LRMDA: variants seen among roughly 807,000 people sequenced by gnomAD.
The protein encoded by LRMDA is leucine rich melanocyte differentiation associated, also known as leucine-rich melanocyte differentiation-associated protein.
LRMDA carries 18 observed loss-of-function variants against 29.8 expected under a neutral mutation model. The ratio of observed to expected loss-of-function variants is 0.60; its 90% CI spans 0.42 to 0.90. The LOEUF (loss-of-function observed/expected upper bound fraction) is 0.90, where lower values mean the gene tolerates loss of function less well. LRMDA is among the 40% of genes least tolerant of loss of function. LRMDA has a pLI of 0.00. For missense variants in LRMDA, 273 were observed against 273.9 expected (o/e 1.00, Z 0.02); for synonymous variants, 125 against 109.4 (o/e 1.14, Z -0.89).
At chr10:75,643,708 T>C (rs1385648794) in intron 2 of LRMDA, among the ~76,000 whole-genome samples, 1 of 152,234 alleles carries the variant, frequency 6.6e-6, no homozygotes, top group Non-Finnish European at 1.5e-5. Context: ...TCTTCCAACA[T>C]TAGAATGATG....
At chr10:75,437,570 G>C (rs1844275533) in intron 1 of LRMDA, among the ~76,000 whole-genome samples, 1 of 152,166 alleles carries the variant, frequency 6.6e-6, no homozygotes, top group African/African-American at 2.4e-5. Context: ...TGTAAAAATG[G>C]GTTCCAAAAA....
intron 5 of LRMDA, among the ~76,000 whole-genome samples, chr10:76,251,652 T>C (rs953067764): frequency 5.3e-5 from 8 of 152,194 alleles, no homozygotes; most frequent in Non-Finnish European, 1.2e-4. Context: ...CAGAGCCATT[T>C]CCCACATTTG....
chr10:75,770,495 C>T (rs997370944), intron 2 of LRMDA, among the ~76,000 whole-genome samples: 2 of 152,186 alleles, frequency 1.3e-5, no homozygotes, highest in African/African-American at 2.4e-5. Context: ...TAGCATTAAA[C>T]AGTCAGCCAA....
At position 75,893,150 on chromosome 10, in the gene LRMDA, T is replaced by C. The variant is rs527384177; in HGVS notation, c.132-142858T>C. The stretch of plus-strand genomic sequence containing the variant: ...TTTGGTAGCATGCACATGGGCTTCT[T>C]AGTGACGACCTGGTGATGCAAACAG... On this transcript the variant is annotated intron_variant, in intron 2 of 6. Transcript: ENST00000611255. 7.9e-5 allele frequency among the ~76,000 whole-genome samples: 12 copies of C among 152,268 alleles called. No homozygotes were observed. In the East Asian group the frequency reaches 1.9e-3, roughly 25 times the overall value.
At chr10:75,738,648 T>A (rs915988033) in intron 2 of LRMDA, among the ~76,000 whole-genome samples, 1 of 152,214 alleles carries the variant, frequency 6.6e-6, no homozygotes, top group Non-Finnish European at 1.5e-5. Context: ...AGTTTAGGTT[T>A]GGTCCTAATG....
chr10:76,430,368 G>A (rs550475522), intron 6 of LRMDA, among the ~76,000 whole-genome samples: 2 of 152,296 alleles, frequency 1.3e-5, no homozygotes, highest in South Asian at 2.1e-4. Context: ...AACAGTAAAA[G>A]CATCTTTTGT....
chr10:76,171,858 G>A (rs1439400813), intron 5 of LRMDA, among the ~76,000 whole-genome samples: 3 of 152,128 alleles, frequency 2.0e-5, no homozygotes, highest in South Asian at 2.1e-4. Flanking sequence ...GGTTAGTGTC[G>A]CTCTAACAGA....
intron 6 of LRMDA, among the ~76,000 whole-genome samples, chr10:76,385,601 T>C (rs1435144628): frequency 6.6e-6 from 1 of 152,172 alleles, no homozygotes; most frequent in African/African-American, 2.4e-5. Context: ...TAACATGCCA[T>C]CTTGCTGCTT....
At chr10:75,771,387 T>C (rs79546892) in intron 2 of LRMDA, among the ~76,000 whole-genome samples, 178 of 152,232 alleles carry the variant, frequency 1.2e-3, no homozygotes, top group African/African-American at 3.9e-3. Context: ...AGAAAAGTCA[T>C]TGCAAGAGAG....
intron 5 of LRMDA, among the ~76,000 whole-genome samples, chr10:76,071,028 G>A (rs114201108): frequency 3.9e-5 from 6 of 152,224 alleles, no homozygotes; most frequent in Admixed American, 6.5e-5. Flanking sequence ...GGACCAATGC[G>A]GGAAAGGATG....
chr10:76,545,716 A>T (rs894312514), intron 6 of LRMDA, among the ~76,000 whole-genome samples: 1 of 151,070 alleles, frequency 6.6e-6, no homozygotes, highest in Non-Finnish European at 1.5e-5. Context: ...GCTATTGGGG[A>T]TAAAATAAAA....
At chr10:76,061,721 G>C (rs971276046) in intron 5 of LRMDA, among the ~76,000 whole-genome samples, 1 of 152,118 alleles carries the variant, frequency 6.6e-6, no homozygotes, top group Admixed American at 6.5e-5. Context: ...ATGGAATTGG[G>C]ACCAGAACCC....
chr10:76,150,359 C>T (rs1322319117), intron 5 of LRMDA, among the ~76,000 whole-genome samples: 2 of 152,198 alleles, frequency 1.3e-5, no homozygotes, highest in African/African-American at 4.8e-5. Context: ...GCTCTAGCCC[C>T]ACCTCACAAA....
intron 2 of LRMDA, among the ~76,000 whole-genome samples, chr10:75,973,148 G>A (rs1243736825): frequency 6.6e-6 from 1 of 152,180 alleles, no homozygotes; most frequent in African/African-American, 2.4e-5. Flanking sequence ...TCATTTTCCA[G>A]TAGTCTTGCA....
chr10:75,917,729 G>A (rs2057436), intron 2 of LRMDA, among the ~76,000 whole-genome samples: 96,992 of 152,136 alleles, frequency 0.64, 33,591 homozygotes, highest in East Asian at 0.9. Context: ...TAAAAAACAA[G>A]GTAAAAGGAA....
chr10:76,165,116 G>A (rs1215809418), intron 5 of LRMDA, among the ~76,000 whole-genome samples: 1 of 152,138 alleles, frequency 6.6e-6, no homozygotes, highest in Non-Finnish European at 1.5e-5. Flanking sequence ...GGGATTACAG[G>A]CACCTGCCAC....
At chr10:76,051,585 G>C (rs1055131997) in intron 4 of LRMDA, among the ~76,000 whole-genome samples, 3 of 152,162 alleles carry the variant, frequency 2.0e-5, no homozygotes, top group African/African-American at 7.2e-5. Flanking sequence ...GGAGGTGTTG[G>C]GGGTGGTTAT....
intron 5 of LRMDA, among the ~76,000 whole-genome samples, chr10:76,303,797 G>A (rs1472692350): frequency 6.6e-6 from 1 of 151,250 alleles, no homozygotes; most frequent in Non-Finnish European, 1.5e-5. Flanking sequence ...CCTGCAGTGA[G>A]CAGTGACAAG....
chr10:75,600,977 GCTTTCCCT>G (rs1840878224), intron 2 of LRMDA, among the ~76,000 whole-genome samples: 1 of 152,250 alleles, frequency 6.6e-6, no homozygotes. Context: ...AGCCAAGGCT[GCTTTCCCT>G]CTTTCCTTGT....
Sources: gnomAD v4.1 joint callset for allele counts (sites outside exome capture counted in the v4.1 genomes callset) on GRCh38, gnomAD v4.1.1 for gene constraint, MANE v1.5 for transcripts, NCBI Gene and HGNC (gene_info 2026-07-23, HGNC 2026-07-21) for gene names.